The following ANKRD30A variants were observed in gnomAD, a reference collection of about 807,000 sequenced individuals.
ANKRD30A encodes ankyrin repeat domain-containing protein 30A.
A neutral mutation model predicts 166.3 loss-of-function variants in ANKRD30A; 170 were observed. That is an observed-to-expected ratio of 1.02 (90% CI 0.90 to 1.16). The LOEUF (loss-of-function observed/expected upper bound fraction) is 1.16. Among genes scored for constraint, ANKRD30A ranks in the 50% most tolerant of loss-of-function variants. The pLI is 0.00. For synonymous variants in ANKRD30A, 564 were observed against 508.9 expected (o/e 1.11, Z -1.46); for missense variants, 1,630 against 1,518.0 (o/e 1.07, Z -1.23).
intron 24 of ANKRD30A, among the ~76,000 whole-genome samples, chr10:37,177,132 T>TA (rs1839788870): frequency 6.9e-6 from 1 of 144,186 alleles, no homozygotes; most frequent in African/African-American, 2.5e-5. Context: ...TTGCTTATTT[T>TA]AAGCCCCTGT....
At chr10:37,258,282 T>C in the ANKRD30A span, among the ~76,000 whole-genome samples, 2 of 152,180 alleles carry the variant, frequency 1.3e-5, no homozygotes, top group Admixed American at 1.3e-4. Flanking sequence ...ATTTGAAAAT[T>C]GACAAGCTAA....
chr10:37,154,404 C>T (rs4625405), intron 13 of ANKRD30A, among the ~76,000 whole-genome samples: 2 of 152,234 alleles, frequency 1.3e-5, no homozygotes, highest in East Asian at 3.9e-4. Context: ...GTCCTTGGAC[C>T]TTGCTCTGGG....
At chr10:37,209,072 A>G (rs1037109306) in intron 31 of ANKRD30A, among the ~76,000 whole-genome samples, 4 of 152,036 alleles carry the variant, frequency 2.6e-5, no homozygotes, top group African/African-American at 9.7e-5. Context: ...CAGTTTATAC[A>G]CTCATCTTTC....
At chr10:37,214,141 C>A (rs1164943259) in intron 31 of ANKRD30A, among the ~76,000 whole-genome samples, 1 of 151,328 alleles carries the variant, frequency 6.6e-6, no homozygotes, top group Non-Finnish European at 1.5e-5. Context: ...TTAAGTGAAC[C>A]CTTTGTCACT....
chr10:37,213,319 A>G (rs1400945504), intron 31 of ANKRD30A, among the ~76,000 whole-genome samples: 1 of 151,842 alleles, frequency 6.6e-6, no homozygotes, highest in Non-Finnish European at 1.5e-5. Context: ...GTGTCTTCAC[A>G]TGGCAGAAAG....
chr10:37,167,552 T>C (rs1839455303), intron 19 of ANKRD30A, among the ~76,000 whole-genome samples: 1 of 151,710 alleles, frequency 6.6e-6, no homozygotes, highest in Non-Finnish European at 1.5e-5. Context: ...ACATAGAAAA[T>C]GTTATTAATA....
At chr10:37,165,042 T>A (rs374690824) in intron 17 of ANKRD30A, 52 bp from the exon 18 acceptor site, 24 of 1,551,156 alleles carry the variant, frequency 1.5e-5, no homozygotes, top group African/African-American at 1.1e-4. Flanking sequence ...GTTTTTAAAA[T>A]TTTTAGTAGA....
At chr10:37,159,374 C>T (rs138337902) in intron 15 of ANKRD30A, among the ~76,000 whole-genome samples, 2,373 of 152,056 alleles carry the variant, frequency 0.016, 26 homozygotes, top group Middle Eastern at 0.044. Context: ...AAAAAATAGC[C>T]GGTTGTGATG....
chr10:37,250,416 T>C, the ANKRD30A span, among the ~76,000 whole-genome samples: 2 of 152,034 alleles, frequency 1.3e-5, no homozygotes, highest in Non-Finnish European at 2.9e-5. Context: ...AAGTGTTTTA[T>C]TGGGGATGGG....
intron 34 of ANKRD30A, 120 bp from the exon 35 acceptor site, chr10:37,231,341 C>T (rs368571346): frequency 1.7e-5 from 12 of 704,898 alleles, no homozygotes; most frequent in South Asian, 3.2e-5. Flanking sequence ...TGTTAAAGCA[C>T]GGCTTAATGG....
chr10:37,167,051 A>G (rs1167778648), intron 19 of ANKRD30A, among the ~76,000 whole-genome samples: 3 of 152,060 alleles, frequency 2.0e-5, no homozygotes, highest in Non-Finnish European at 4.4e-5. Context: ...AGGATGATAA[A>G]ATGAAATGAT....
the ANKRD30A span, among the ~76,000 whole-genome samples, chr10:37,246,940 C>T: frequency 2.8e-4 from 42 of 152,248 alleles, no homozygotes; most frequent in East Asian, 7.9e-3. Flanking sequence ...GTGCCCAGAG[C>T]CCAGGCACAG....
Position 37,196,093 on chromosome 10 carries a change from A to ATTTT in ANKRD30A, c.2615-1172_2615-1169dup, listed in dbSNP as rs749036981. 6.6e-4 allele frequency among the ~76,000 whole-genome samples: 85 copies of ATTTT among 129,440 alleles called. 1 individual carries two copies. Among genetic ancestry groups the ATTTT allele is most frequent in the Non-Finnish European group, 6.2e-4 (39 of 62,496 alleles). The allele number at this position is 129,440 out of a possible 152,430, so 84.9% of individuals were successfully genotyped here. ...AGTTAGAGGTTTTTTTATATTTTCT[A>ATTTT]TTTTTTTTTTTTTTTTTTTGTAGTA... On this transcript the variant is annotated intron_variant, in intron 27 of 35. Coordinates refer to ENST00000361713, the MANE Select transcript of ANKRD30A (RefSeq NM_052997.3).
chr10:37,162,064 T>C (rs1409223937), intron 15 of ANKRD30A, among the ~76,000 whole-genome samples: 1 of 152,190 alleles, frequency 6.6e-6, no homozygotes, highest in African/African-American at 2.4e-5. Flanking sequence ...TCTTCTTGCA[T>C]GAGTGGATCC....
chr10:37,263,577 C>T, the ANKRD30A span, among the ~76,000 whole-genome samples: 6 of 151,846 alleles, frequency 4.0e-5, no homozygotes, highest in Admixed American at 6.6e-5. Context: ...CTAGGTCCTT[C>T]GCATGCGCAG....
intron 9 of ANKRD30A, among the ~76,000 whole-genome samples, chr10:37,148,900 T>G (rs1187294552): frequency 6.6e-6 from 1 of 152,062 alleles, no homozygotes; most frequent in Non-Finnish European, 1.5e-5. Context: ...ACTGAATTTA[T>G]ACTTGAATAA....
intron 5 of ANKRD30A, among the ~76,000 whole-genome samples, chr10:37,135,724 A>G (rs1395078426): frequency 1.3e-5 from 2 of 152,208 alleles, no homozygotes; most frequent in African/African-American, 4.8e-5. Flanking sequence ...GCTGACATCT[A>G]TTAGTTTTCT....
chr10:37,221,668 T>C (rs527278881), intron 34 of ANKRD30A, among the ~76,000 whole-genome samples: 1 of 151,462 alleles, frequency 6.6e-6, no homozygotes, highest in Admixed American at 6.6e-5. Flanking sequence ...TTTCTTATAA[T>C]TACATATTTT....
At chr10:37,200,661 A>C (rs771224025) in intron 30 of ANKRD30A, among the ~76,000 whole-genome samples, 8 of 152,070 alleles carry the variant, frequency 5.3e-5, no homozygotes, top group Non-Finnish European at 1.2e-4. Context: ...CTATTCAAGC[A>C]CTTTTTTATC....
Sources: allele counts gnomAD v4.1 joint callset (sites outside exome capture counted in the v4.1 genomes callset), GRCh38; gene constraint gnomAD v4.1.1; transcripts MANE v1.5; gene names NCBI Gene and HGNC (gene_info 2026-07-23, HGNC 2026-07-21).